The following DOCK3 variants were observed in gnomAD, a reference collection of about 807,000 sequenced individuals.
The protein encoded by DOCK3 is dedicator of cytokinesis 3, also known as dedicator of cytokinesis protein 3.
DOCK3 carries 60 observed loss-of-function variants against 265.6 expected under a neutral mutation model. The ratio of observed to expected loss-of-function variants is 0.23; its 90% CI spans 0.18 to 0.28. The LOEUF (loss-of-function observed/expected upper bound fraction) is 0.28. Ranked by LOEUF, DOCK3 falls within the 10% of genes least tolerant of loss-of-function variation. The pLI is 1.00. For synonymous variants in DOCK3, 881 were observed against 938.0 expected, an observed-to-expected ratio of 0.94 and a Z score of 1.11; for missense variants, 1,981 against 2,594.3, an observed-to-expected ratio of 0.76 and a Z score of 5.14.
At chr3:51,176,169 A>C (rs1488580918) in intron 12 of DOCK3, among the ~76,000 whole-genome samples, 3 of 152,226 alleles carry the variant, frequency 2.0e-5, no homozygotes, top group Non-Finnish European at 4.4e-5. Flanking sequence ...TTGTTTATGC[A>C]GGAGTGAGAA....
chr3:50,695,755 TCG>T (rs2035577551), intron 1 of DOCK3, among the ~76,000 whole-genome samples: 1 of 151,506 alleles, frequency 6.6e-6, no homozygotes. Context: ...CTCCTGGGGG[TCG>T]CTAGAAGCTC....
intron 12 of DOCK3, among the ~76,000 whole-genome samples, chr3:51,186,981 C>T (rs144703018): frequency 0.011 from 1,617 of 152,182 alleles, 19 homozygotes; most frequent in Non-Finnish European, 0.016. Context: ...AGAGCCCCCA[C>T]ACAGAGTCCC....
At chr3:51,191,305 G>T (rs1362037007) in intron 12 of DOCK3, among the ~76,000 whole-genome samples, 1 of 152,108 alleles carries the variant, frequency 6.6e-6, no homozygotes, top group Non-Finnish European at 1.5e-5. Flanking sequence ...ACAAATTTCA[G>T]TTGGGAGCTT....
intron 22 of DOCK3, among the ~76,000 whole-genome samples, chr3:51,251,115 T>C (rs1269705528): frequency 6.6e-6 from 1 of 152,098 alleles, no homozygotes; most frequent in African/African-American, 2.4e-5. Context: ...TGAGAACATG[T>C]GGTGTTTGGT....
At chr3:50,934,258 T>C (rs997260561) in intron 5 of DOCK3, among the ~76,000 whole-genome samples, 181 bp downstream of exon 5, 5 of 152,236 alleles carry the variant, frequency 3.3e-5, no homozygotes, top group African/African-American at 1.2e-4. Context: ...AACACATTAT[T>C]ATTCATATGC....
chr3:51,220,081 C>CT (rs1357539077), intron 14 of DOCK3, among the ~76,000 whole-genome samples: 10 of 151,238 alleles, frequency 6.6e-5, no homozygotes, highest in Admixed American at 4.6e-4. Flanking sequence ...TCTCAAGAGC[C>CT]TTTTTTTTTC....
intron 1 of DOCK3, among the ~76,000 whole-genome samples, chr3:50,734,841 G>A (rs1032110546): frequency 7.9e-5 from 12 of 151,998 alleles, no homozygotes; most frequent in African/African-American, 2.9e-4. Flanking sequence ...CTGACCTTGT[G>A]ATCTGCCTGC....
At chr3:50,698,203 C>G (rs2035759182) in intron 1 of DOCK3, among the ~76,000 whole-genome samples, 1 of 152,002 alleles carries the variant, frequency 6.6e-6, no homozygotes, top group African/African-American at 2.4e-5. Flanking sequence ...CACCCGGGCA[C>G]CCCCTAATTG....
intron 1 of DOCK3, among the ~76,000 whole-genome samples, chr3:50,748,677 C>T (rs1238074575): frequency 6.6e-6 from 1 of 152,166 alleles, no homozygotes; most frequent in Non-Finnish European, 1.5e-5. Context: ...GTAACATTTC[C>T]TCCAAACTCT....
At chr3:51,302,136 T>G (rs555113022) in intron 27 of DOCK3, among the ~76,000 whole-genome samples, 1 of 152,196 alleles carries the variant, frequency 6.6e-6, no homozygotes, top group East Asian at 1.9e-4. Context: ...GCATATATAT[T>G]TAGGATAGCC....
At chr3:51,165,201 A>G (rs2086334760) in intron 12 of DOCK3, among the ~76,000 whole-genome samples, 1 of 152,202 alleles carries the variant, frequency 6.6e-6, no homozygotes, top group African/African-American at 2.4e-5. Context: ...TGATGGGGTT[A>G]CAGGCGTGAG....
At chr3:51,092,009 C>T (rs960541458) in intron 9 of DOCK3, among the ~76,000 whole-genome samples, 2 of 152,172 alleles carry the variant, frequency 1.3e-5, no homozygotes, top group East Asian at 1.9e-4. Context: ...CTTTGCAACC[C>T]GCAGACCAGG....
chr3:50,736,569 C>T (rs2038635391), intron 1 of DOCK3, among the ~76,000 whole-genome samples: 1 of 152,072 alleles, frequency 6.6e-6, no homozygotes, highest in Admixed American at 6.5e-5. Flanking sequence ...TCTGTTGTTT[C>T]CTGACTTTTT....
intron 2 of DOCK3, among the ~76,000 whole-genome samples, chr3:50,813,818 A>G (rs1216206162): frequency 6.6e-6 from 1 of 152,214 alleles, no homozygotes; most frequent in Non-Finnish European, 1.5e-5. Context: ...AATAACATCA[A>G]TCAAAAACCT....
chr3:50,975,347 T>C (rs955161146), intron 5 of DOCK3, among the ~76,000 whole-genome samples: 25 of 151,232 alleles, frequency 1.7e-4, no homozygotes, highest in African/African-American at 5.3e-4. Context: ...GTTTTTAGCA[T>C]GAAGGGTTGT....
intron 27 of DOCK3, among the ~76,000 whole-genome samples, chr3:51,307,305 G>A (rs1009762522): frequency 1.4e-4 from 22 of 152,040 alleles, no homozygotes; most frequent in African/African-American, 5.3e-4. Context: ...TTGTAAAGAT[G>A]GGGATCTTGC....
intron 10 of DOCK3, among the ~76,000 whole-genome samples, chr3:51,153,258 G>A (rs1269114063): frequency 6.6e-6 from 1 of 152,204 alleles, no homozygotes; most frequent in African/African-American, 2.4e-5. Context: ...ATCTTAGACT[G>A]CTGCACTAGC....
intron 1 of DOCK3, among the ~76,000 whole-genome samples, chr3:50,730,240 C>G (rs1167443360): frequency 6.6e-6 from 1 of 151,618 alleles, no homozygotes; most frequent in African/African-American, 2.4e-5. Flanking sequence ...CTCTCAGGTT[C>G]AAGCGATTCT....
chr3:51,312,727 A>C (rs150932805), intron 30 of DOCK3, 117 bp from the exon 31 acceptor site: 547 of 1,279,238 alleles, frequency 4.3e-4, no homozygotes, highest in Middle Eastern at 3.9e-3. Flanking sequence ...CCAAAGGCTT[A>C]GCGCATTGGG....
Sources: allele counts gnomAD v4.1 joint callset (sites outside exome capture counted in the v4.1 genomes callset), GRCh38; gene constraint gnomAD v4.1.1; transcripts MANE v1.5; gene names NCBI Gene and HGNC (gene_info 2026-07-23, HGNC 2026-07-21).